The following RARS2 variants were observed in gnomAD, a reference collection of about 807,000 sequenced individuals.
RARS2 encodes arginyl-tRNA synthetase 2, mitochondrial, also known as probable arginine--tRNA ligase, mitochondrial.
Under a neutral mutation model 88.5 loss-of-function variants are expected in RARS2, and 67 were observed. The observed-to-expected ratio is 0.76, with a 90% CI of 0.62 to 0.93. The LOEUF is 0.93. RARS2 is among the 40% of genes least tolerant of loss of function. The pLI, the probability that RARS2 is intolerant of heterozygous loss-of-function variation, is 0.00. For synonymous variants in RARS2, 239 were observed against 230.3 expected (o/e 1.04, Z -0.34); for missense variants, 664 against 684.2 (o/e 0.97, Z 0.33).
At chr6:87,521,353 A>C (rs1168527811) in intron 12 of RARS2, 111 bp downstream of exon 12, 2 of 843,746 alleles carry the variant, frequency 2.4e-6, no homozygotes, top group African/African-American at 3.4e-5. Flanking sequence ...AAACATACTT[A>C]ATGTTGACTT....
chr6:87,584,611 C>T, intron 1 of RARS2: 1 of 372,324 alleles, frequency 2.7e-6, no homozygotes, highest in Non-Finnish European at 5.3e-6. Context: ...CTAATCCTTC[C>T]CACCATTATT....
chr6:87,543,974 G>A (rs1245984271), intron 7 of RARS2, among the ~76,000 whole-genome samples: 1 of 152,140 alleles, frequency 6.6e-6, no homozygotes, highest in Non-Finnish European at 1.5e-5. Context: ...AACTAATTCT[G>A]TGCTTAGAAA....
intron 11 of RARS2, among the ~76,000 whole-genome samples, chr6:87,524,003 A>ACAAACTTAATATAACTTAATG (rs1259648475): frequency 1.3e-5 from 2 of 152,226 alleles, no homozygotes; most frequent in Non-Finnish European, 2.9e-5. Flanking sequence ...GGTTGCTTAA[A>ACAAACTTAATATAACTTAATG]GTTGTTTGGA....
chr6:87,559,263 A>G (rs1787016664), intron 4 of RARS2, among the ~76,000 whole-genome samples: 1 of 152,050 alleles, frequency 6.6e-6, no homozygotes, highest in South Asian at 2.1e-4. Context: ...ACAGTCAGCT[A>G]AGGTTAATTT....
chr6:87,550,015 C>A (rs1402076893), intron 5 of RARS2, among the ~76,000 whole-genome samples: 2 of 152,180 alleles, frequency 1.3e-5, no homozygotes, highest in East Asian at 3.8e-4. Flanking sequence ...AAATTCTGGT[C>A]TGTCTCCAAA....
rs574413354 is a variant in RARS2, at chr6:87,578,455, C to T, written c.37-8865G>A. 3.3e-5 allele frequency among the ~76,000 whole-genome samples: 5 copies of T among 152,210 alleles called. No individual in the cohort carries two copies. In the South Asian group the frequency reaches 1.0e-3, roughly 32 times the overall value. ...GTATTGCTTAATTATTTAAAATGAG[C>T]AGGCATTATTTTGCAAAAATGAGAA... On this transcript the variant is annotated intron_variant, in intron 1 of 19. Transcript: ENST00000369536.
intron 12 of RARS2, among the ~76,000 whole-genome samples, chr6:87,521,082 A>G (rs1210676998): frequency 6.6e-6 from 1 of 152,218 alleles, no homozygotes; most frequent in South Asian, 2.1e-4. Context: ...GTTATGTACT[A>G]TCTTTGGGGG....
chr6:87,573,851 A>G (rs781656108), intron 1 of RARS2, among the ~76,000 whole-genome samples: 3 of 152,222 alleles, frequency 2.0e-5, no homozygotes, highest in Admixed American at 2.0e-4. Context: ...CAGCAAATAC[A>G]CAAGACAGAA....
intron 5 of RARS2, among the ~76,000 whole-genome samples, chr6:87,552,920 G>C (rs966594978): frequency 2.0e-5 from 3 of 152,190 alleles, no homozygotes; most frequent in South Asian, 4.1e-4. Flanking sequence ...AGGGGTTTAA[G>C]AGTAATATGG....
intron 11 of RARS2, among the ~76,000 whole-genome samples, chr6:87,523,265 C>T (rs1774555393): frequency 6.6e-6 from 1 of 152,114 alleles, no homozygotes; most frequent in South Asian, 2.1e-4. Flanking sequence ...GTCATTTAGT[C>T]CAGATCTCTC....
intron 1 of RARS2, among the ~76,000 whole-genome samples, chr6:87,581,256 C>A (rs963253030): frequency 6.6e-6 from 1 of 152,126 alleles, no homozygotes; most frequent in Non-Finnish European, 1.5e-5. Context: ...TCTTTAGCAA[C>A]CAGACATTCA....
At chr6:87,564,938 A>G (rs1391608722) in intron 2 of RARS2, among the ~76,000 whole-genome samples, 2 of 152,012 alleles carry the variant, frequency 1.3e-5, no homozygotes, top group East Asian at 3.9e-4. Context: ...TGTGCCCGTA[A>G]GCCCAGCTAC....
At chr6:87,575,742 T>C (rs1173887173) in intron 1 of RARS2, among the ~76,000 whole-genome samples, 2 of 151,860 alleles carry the variant, frequency 1.3e-5, no homozygotes, top group African/African-American at 4.8e-5. Flanking sequence ...AAATCTAAAT[T>C]GTGGTACACT....
At chr6:87,518,075 GCTA>G (rs1772410309) in intron 17 of RARS2, 91 bp downstream of exon 17, 23 of 1,609,514 alleles carry the variant, frequency 1.4e-5, no homozygotes, top group Admixed American at 6.7e-5. Flanking sequence ...GCAGAAGGCA[GCTA>G]CTGGACTGTT....
intron 7 of RARS2, among the ~76,000 whole-genome samples, chr6:87,543,840 CA>C: frequency 6.6e-6 from 1 of 152,158 alleles, no homozygotes; most frequent in Admixed American, 6.5e-5. Flanking sequence ...CAAGCAAGAG[CA>C]AATGTGATTA....
chr6:87,555,497 T>A lies in RARS2; in HGVS notation c.306A>T (p.Leu102=). 1 of 1,611,080 alleles carries A rather than the reference T, an allele frequency of 6.2e-7. No individual in the cohort carries two copies. The highest frequency in any genetic ancestry group is 8.5e-7 in the Non-Finnish European group (1 of 1,177,316). The change falls in exon 5 of 20, where the codon CTA becomes CTT. Residue 102 remains leucine (L), a synonymous_variant. Coordinates refer to ENST00000369536, the MANE Select transcript of RARS2 (RefSeq NM_020320.5). The part of the protein sequence containing the change: ...INRELLTKTV[L]QQVIEDGSKY... Reference sequence around the variant, plus strand: ...TTGAGCCATCTTCAATTACTTGTTGTAGCACTGTCTGAAAATTAAAGGACT... The same window carrying A: ...TTGAGCCATCTTCAATTACTTGTTGAAGCACTGTCTGAAAATTAAAGGACT...
intron 8 of RARS2, among the ~76,000 whole-genome samples, chr6:87,534,259 CTT>C (rs942995185): frequency 6.6e-6 from 1 of 152,114 alleles, no homozygotes; most frequent in African/African-American, 2.4e-5. Flanking sequence ...AAATAACTAA[CTT>C]GAGCTATTTC....
intron 8 of RARS2, among the ~76,000 whole-genome samples, chr6:87,540,272 A>C (rs1780494669): frequency 6.6e-6 from 1 of 151,614 alleles, no homozygotes; most frequent in Non-Finnish European, 1.5e-5. Context: ...ACATAGTGAA[A>C]CCCTGTCTCT....
intron 1 of RARS2, among the ~76,000 whole-genome samples, chr6:87,580,898 T>C (rs1291836150): frequency 6.6e-6 from 1 of 152,146 alleles, no homozygotes; most frequent in Non-Finnish European, 1.5e-5. Context: ...ATGGCTAATA[T>C]GTAGTGAGTG....
Sources: gnomAD v4.1 joint callset for allele counts (sites outside exome capture counted in the v4.1 genomes callset) on GRCh38, gnomAD v4.1.1 for gene constraint, MANE v1.5 for transcripts, NCBI Gene and HGNC (gene_info 2026-07-23, HGNC 2026-07-21) for gene names.